CSGALNACT1: variants seen among roughly 807,000 people sequenced by gnomAD.
The protein encoded by CSGALNACT1 is beta4GalNAcT-1.
In CSGALNACT1, 52 loss-of-function variants were observed where a neutral mutation model predicts 51.0. That is an observed-to-expected ratio of 1.02 (90% CI 0.82 to 1.29). The LOEUF (loss-of-function observed/expected upper bound fraction) is 1.29. Ranked by LOEUF, CSGALNACT1 falls within the 50% of genes most tolerant of loss-of-function variation. The pLI, the probability that CSGALNACT1 is intolerant of heterozygous loss-of-function variation, is 0.00. For missense variants in CSGALNACT1, 935 were observed against 679.2 expected, an observed-to-expected ratio of 1.38 and a Z score of -4.19; for synonymous variants, 341 against 254.4, an observed-to-expected ratio of 1.34 and a Z score of -3.24.
At chr8:19,590,640 CTTTTTTTTTTTTT>C (rs34859554) in intron 3 of CSGALNACT1, among the ~76,000 whole-genome samples, 4 of 68,970 alleles carry the variant, frequency 5.8e-5, no homozygotes, top group Non-Finnish European at 7.9e-5. Context: ...GACCTAACTA[CTTTTTTTTTTTTT>C]TTTTTTTTTT....
chr8:19,574,500 A>T (rs922199984), intron 3 of CSGALNACT1, among the ~76,000 whole-genome samples: 2 of 152,214 alleles, frequency 1.3e-5, no homozygotes, highest in Admixed American at 1.3e-4. Flanking sequence ...ATAAATACAT[A>T]GCCTCATTTT....
chr8:19,564,732 CTG>C (rs1564071297), intron 3 of CSGALNACT1, among the ~76,000 whole-genome samples: 1 of 152,218 alleles, frequency 6.6e-6, no homozygotes, highest in African/African-American at 2.4e-5. Context: ...CTTGCTCACT[CTG>C]TAGCACATTT....
At chr8:19,617,731 T>C (rs1179570110) in intron 1 of CSGALNACT1, among the ~76,000 whole-genome samples, 1 of 152,216 alleles carries the variant, frequency 6.6e-6, no homozygotes, top group African/African-American at 2.4e-5. Context: ...TTACTTTGCA[T>C]TCATTTTAAT....
chr8:19,553,636 TATAA>T (rs1477296204), intron 3 of CSGALNACT1, among the ~76,000 whole-genome samples: 5 of 141,092 alleles, frequency 3.5e-5, no homozygotes, highest in Admixed American at 2.1e-4. Context: ...TATATATATA[TATAA>T]AAAAATATGT....
intron 3 of CSGALNACT1, among the ~76,000 whole-genome samples, chr8:19,573,469 A>G (rs894470485): frequency 1.3e-5 from 2 of 151,750 alleles, no homozygotes; most frequent in African/African-American, 4.8e-5. Flanking sequence ...TTGGACACTA[A>G]GTCTCACTCC....
chr8:19,644,951 T>C (rs1479020050), intron 1 of CSGALNACT1, among the ~76,000 whole-genome samples: 1 of 152,148 alleles, frequency 6.6e-6, no homozygotes, highest in Non-Finnish European at 1.5e-5. Flanking sequence ...CCTGTGTAAA[T>C]AGCAGGAGCC....
chr8:19,724,985 A>T lies in CSGALNACT1; in HGVS notation c.-297+32865T>A, dbSNP rs2063318230. ...ATCTCTGAGAGCCCTGCTGCCCCTGATCTCTCCTCCCTGGCTTCATTGTGG... is the reference window on the plus strand; with the variant it reads ...ATCTCTGAGAGCCCTGCTGCCCCTGTTCTCTCCTCCCTGGCTTCATTGTGG... On this transcript the variant is annotated intron_variant, in intron 1 of 1. Coordinates refer to the CSGALNACT1 transcript ENST00000517494. Among the ~76,000 whole-genome samples, 2 of 151,976 alleles carry T rather than the reference A, an allele frequency of 1.3e-5. 1 individual carries two copies. Among genetic ancestry groups the T allele is most frequent in the South Asian group, 4.2e-4 (2 of 4,816 alleles).
rs151319614 is a variant in CSGALNACT1, at chr8:19,480,881, A to C, written c.635-22239T>G. Among the ~76,000 whole-genome samples the C allele has an allele frequency of 1.8e-3, 271 of 152,220 alleles. 3 individuals carry two copies. In the South Asian group the frequency reaches 0.043, roughly 24 times the overall value. On this transcript the variant is annotated intron_variant, in intron 4 of 9. Transcript: ENST00000454498. ...TTTCTTCTTTCTAAACAGTTACTCTAAAGTTTCCACCCGGCATCAACACCA... is the reference window on the plus strand; with the variant it reads ...TTTCTTCTTTCTAAACAGTTACTCTCAAGTTTCCACCCGGCATCAACACCA...
At chr8:19,506,586 T>C (rs1225395832) in intron 3 of CSGALNACT1, among the ~76,000 whole-genome samples, 1 of 152,168 alleles carries the variant, frequency 6.6e-6, no homozygotes, top group Non-Finnish European at 1.5e-5. Context: ...ATCCCCAGTG[T>C]TGGGAGGTGG....
chr8:19,730,137 T>C (rs2063611301), intron 1 of CSGALNACT1, among the ~76,000 whole-genome samples: 1 of 152,176 alleles, frequency 6.6e-6, no homozygotes, highest in Non-Finnish European at 1.5e-5. Flanking sequence ...CTGCCTGAGT[T>C]ACAGAAAAGC....
intron 4 of CSGALNACT1, among the ~76,000 whole-genome samples, chr8:19,476,849 C>G (rs960316832): frequency 2.6e-5 from 4 of 152,108 alleles, no homozygotes; most frequent in Non-Finnish European, 5.9e-5. Context: ...AGTGAGCAAG[C>G]CTTCAGATGA....
intron 1 of CSGALNACT1, among the ~76,000 whole-genome samples, chr8:19,675,918 G>A (rs1191272255): frequency 2.0e-5 from 3 of 151,882 alleles, no homozygotes; most frequent in Non-Finnish European, 4.4e-5. Flanking sequence ...TCACACCAGG[G>A]CCCAAATCTC....
intron 1 of CSGALNACT1, among the ~76,000 whole-genome samples, chr8:19,627,276 G>T (rs2054572702): frequency 6.6e-6 from 1 of 152,120 alleles, no homozygotes; most frequent in Non-Finnish European, 1.5e-5. Context: ...TATAGAGAGT[G>T]AAAAAGATCA....
At chr8:19,717,002 TA>T (rs2062849431) in intron 1 of CSGALNACT1, among the ~76,000 whole-genome samples, 1 of 152,164 alleles carries the variant, frequency 6.6e-6, no homozygotes, top group Non-Finnish European at 1.5e-5. Flanking sequence ...GCAAAGGACT[TA>T]AACTTCTAAG....
At chr8:19,606,030 C>G (rs1387830267), upstream of CSGALNACT1, among the ~76,000 whole-genome samples, 1 of 152,192 alleles carries the variant, frequency 6.6e-6, no homozygotes, top group African/African-American at 2.4e-5. Context: ...AGTTCCAAGG[C>G]TTACTCACCT....
intron 4 of CSGALNACT1, among the ~76,000 whole-genome samples, chr8:19,489,956 A>G (rs2073987772): frequency 6.6e-6 from 1 of 152,304 alleles, no homozygotes; most frequent in Admixed American, 6.5e-5. Context: ...GGTACCAAGA[A>G]AAGCAAAATT....
chr8:19,632,006 C>T (rs969549505), intron 1 of CSGALNACT1, among the ~76,000 whole-genome samples: 1 of 152,162 alleles, frequency 6.6e-6, no homozygotes, highest in African/African-American at 2.4e-5. Flanking sequence ...CCTGCTATGG[C>T]CTGAATTTTC....
intron 3 of CSGALNACT1, among the ~76,000 whole-genome samples, chr8:19,511,261 G>A (rs1420752539): frequency 6.6e-6 from 1 of 152,214 alleles, no homozygotes; most frequent in Non-Finnish European, 1.5e-5. Context: ...AAGGCTTGAT[G>A]GAGAAAAAAA....
intron 4 of CSGALNACT1, among the ~76,000 whole-genome samples, chr8:19,492,052 C>T (rs1423233094): frequency 6.6e-6 from 1 of 152,194 alleles, no homozygotes; most frequent in East Asian, 1.9e-4. Context: ...TAGGTTCAGC[C>T]ATGAACTTGA....
Sources: allele counts gnomAD v4.1 joint callset (sites outside exome capture counted in the v4.1 genomes callset), GRCh38; gene constraint gnomAD v4.1.1; transcripts MANE v1.5; gene names NCBI Gene and HGNC (gene_info 2026-07-23, HGNC 2026-07-21).